ABCA2: variants seen among roughly 807,000 people sequenced by gnomAD.
ABCA2 encodes the protein ATP-binding cassette sub-family A member 2.
Under a neutral mutation model 262.8 loss-of-function variants are expected in ABCA2, and 84 were observed. The ratio of observed to expected loss-of-function variants is 0.32; its 90% CI spans 0.27 to 0.38. The LOEUF is 0.38. ABCA2 is among the 10% of genes least tolerant of loss of function. ABCA2 has a pLI of 1.00. For synonymous variants in ABCA2, 1,696 were observed against 1,502.9 expected (o/e 1.13, Z -2.97); for missense variants, 2,662 against 3,405.9 (o/e 0.78, Z 5.44).
At position 137,022,992 on chromosome 9, in the gene ABCA2, C is replaced by T. The variant is rs1318992484; in HGVS notation, c.224G>A (p.Cys75Tyr). The T allele has an allele frequency of 6.3e-7, 1 of 1,595,484 alleles. No homozygotes were observed. Among genetic ancestry groups the T allele is most frequent in the Admixed American group, 1.7e-5 (1 of 57,438 alleles). The change falls in exon 4 of 49, where the codon TGC (cysteine) becomes TAC (tyrosine). Residue 75 changes from cysteine to tyrosine, a missense_variant. Cys to Tyr is a radical substitution (Grantham distance 194). Around this residue, in one of 12 missense-constraint regions of ABCA2, gnomAD observed 101 missense variants for 152.3 expected, o/e 0.66. Transcript: ENST00000341511. ...GAACTCGTCTCGCTGGCCGTCCGGG[C>T]ACAGCGATTGCATGACAGGCAGGAT... is the stretch of plus-strand genomic sequence containing the variant. ...AGILPVMQSL[C>Y]PDGQRDEFGF...
intron 3 of ABCA2, chr9:137,023,440 T>C: frequency 1.4e-6 from 1 of 711,892 alleles, no homozygotes; most frequent in African/African-American, 1.7e-5. Context: ...CTCTGACCTC[T>C]GGCCAGCTGG....
rs770252189 is a variant in ABCA2, at chr9:137,018,328, C to T, written c.1843G>A (p.Asp615Asn). 1.9e-6 allele frequency: 3 copies of T among 1,599,388 alleles called. No homozygotes were observed. Among genetic ancestry groups the T allele is most frequent in the Non-Finnish European group, 2.5e-6 (3 of 1,176,476 alleles). ...TGCACGTGAGGCGGGAGCGAGCCGT[C>T]CTTCCGGGTCTGGAAGATCACACCT... ...FASVIFQTRKDGSLPPHVHYK... is the reference protein window; with the variant it reads ...FASVIFQTRKNGSLPPHVHYK... Residue 615 changes from aspartate to asparagine, a missense_variant, in exon 14 of 49, where the codon GAC becomes AAC. This residue lies in a region of ABCA2 where 187 missense variants were observed against 205.9 expected (regional missense o/e 0.91). Transcript: ENST00000341511.
chr9:137,019,080 G>A lies in ABCA2; in HGVS notation c.1555-10C>T, dbSNP rs1368463804. On this transcript the variant is annotated splice_polypyrimidine_tract_variant and intron_variant, in intron 11 of 48. Coordinates refer to ENST00000341511, the MANE Select transcript of ABCA2 (RefSeq NM_001606.5). The surrounding 1 kb of genome is among the most constrained non-coding windows in gnomAD (Gnocchi z 4.4). ...GCAGCTCTGCTACATACTTGGGGTGGAGGGGCGGCTCAGAGGGGGACCTGC... is the reference window on the plus strand; with the variant it reads ...GCAGCTCTGCTACATACTTGGGGTGAAGGGGCGGCTCAGAGGGGGACCTGC... The A allele has an allele frequency of 2.5e-6, 4 of 1,605,790 alleles. No individual in the cohort carries two copies. The highest frequency in any genetic ancestry group is 2.2e-5 in the East Asian group (1 of 44,688).
intron 40 of ABCA2, 23 bp downstream of exon 40, chr9:137,010,597 C>CCCCCCAAAAG: frequency 6.6e-7 from 1 of 1,506,092 alleles, no homozygotes; most frequent in Non-Finnish European, 9.2e-7. Context: ...ACCCAGGCCC[C>CCCCCCAAAAG]ACCCTACATG....
chr9:137,023,560 G>T (rs1056639880), intron 3 of ABCA2: 2 of 744,742 alleles, frequency 2.7e-6, no homozygotes, highest in East Asian at 2.5e-5. Context: ...CCCAGAAGCC[G>T]AGGCACCCCA....
At chr9:137,015,631 G>A in intron 23 of ABCA2, 35 bp from the exon 24 acceptor site, 2 of 1,611,400 alleles carry the variant, frequency 1.2e-6, no homozygotes, top group Non-Finnish European at 1.7e-6. Context: ...CAGGGGGCAG[G>A]GGAGGCGCCG....
chr9:137,012,221 C>G, intron 33 of ABCA2, 44 bp downstream of exon 33: 33 of 1,594,160 alleles, frequency 2.1e-5, no homozygotes, highest in Non-Finnish European at 2.7e-5. Context: ...CGCCCCGGCC[C>G]CAGCTCCTCC....
intron 39 of ABCA2, 53 bp downstream of exon 39, chr9:137,010,920 C>T (rs1416452882): frequency 2.8e-5 from 20 of 708,064 alleles, no homozygotes; most frequent in East Asian, 1.1e-4. Context: ...GCCCCACCCC[C>T]GAACCCATCC....
In ABCA2 at chr9:137,021,939, A is replaced by G; in HGVS notation, c.630T>C (p.Gly210=). ...ALDSQSGLHK[G]QEPWSRLGGN... Reference sequence around the variant, plus strand: ...CCCCTAGGCGGCTCCAGGGCTCCTGACCCTTGTGGAGGCCAGACTGTGAAT... The same window carrying G: ...CCCCTAGGCGGCTCCAGGGCTCCTGGCCCTTGTGGAGGCCAGACTGTGAAT... The change falls in exon 7 of 49, where the codon GGT becomes GGC. Residue 210 remains glycine, a synonymous_variant. Coordinates refer to ENST00000341511, the MANE Select transcript of ABCA2 (RefSeq NM_001606.5). The surrounding 1 kb of genome is among the most constrained non-coding windows in gnomAD (Gnocchi z 6.0). The G allele has an allele frequency of 6.2e-7, 1 of 1,605,322 alleles. No homozygotes were observed.
In ABCA2 at chr9:137,014,980, C is replaced by A; in HGVS notation, c.3815G>T (p.Ser1272Ile). The A allele has an allele frequency of 6.3e-7, 1 of 1,584,276 alleles. No individual in the cohort carries two copies. Among genetic ancestry groups the A allele is most frequent in the Non-Finnish European group, 8.6e-7 (1 of 1,165,226 alleles). ...GGGCAGGATGTAGGAGAGCTCCGTG[C>A]TTGTGTCTGAGACCAGCAGGCAGGA... ...VASCLLVSDT[S>I]TELSYILPSE... is the part of the protein sequence containing the mutation. The change falls in exon 25 of 49, where the codon AGC becomes ATC. Residue 1272 changes from serine (S) to isoleucine (I), a missense_variant. Ser to Ile is a moderately radical substitution (Grantham distance 142, BLOSUM62 -2). Around this residue, in one of 12 missense-constraint regions of ABCA2, gnomAD observed 297 missense variants for 286.5 expected, o/e 1.04. Transcript: ENST00000341511.
chr9:137,017,043 G>A lies in ABCA2; in HGVS notation c.2635C>T (p.His879Tyr). Residue 879 changes from histidine to tyrosine, a missense_variant, in exon 19 of 49, where the codon CAC (histidine) becomes TAC (tyrosine). Around this residue, in one of 12 missense-constraint regions of ABCA2, gnomAD observed 188 missense variants for 343.4 expected, o/e 0.55. Coordinates refer to ENST00000341511, the MANE Select transcript of ABCA2 (RefSeq NM_001606.5). ...TCCACCGGGGACTGGCTGAAGGTGT[G>A]CCACTGGATGCCCACGCCGGCCACC... ...YEVAGVGIQWHTFSQSPVEGD... is the reference protein window; with the variant it reads ...YEVAGVGIQWYTFSQSPVEGD... The A allele has an allele frequency of 6.2e-7, 1 of 1,612,826 alleles. No homozygotes were observed. The highest frequency in any genetic ancestry group is 8.5e-7 in the Non-Finnish European group (1 of 1,180,000).
Position 137,021,857 on chromosome 9 carries a change from A to T in ABCA2, c.678+34T>A. On this transcript the variant is annotated intron_variant, in intron 7 of 48. Coordinates refer to ENST00000341511, the MANE Select transcript of ABCA2 (RefSeq NM_001606.5). This position sits in a 1 kb window ranked among gnomAD's most constrained non-coding sequence, Gnocchi z 6.0. Reference sequence around the variant, plus strand: ...AGAAGCACCCCCAGAGGCAGGCAGCACTCCAGGCCCATCCCACACATGGAT... The same window carrying T: ...AGAAGCACCCCCAGAGGCAGGCAGCTCTCCAGGCCCATCCCACACATGGAT... 6.5e-7 allele frequency: 1 copy of T among 1,539,322 alleles called. No homozygotes were observed. The highest frequency in any genetic ancestry group is 8.8e-7 in the Non-Finnish European group (1 of 1,131,200).
At position 137,016,281 on chromosome 9, in the gene ABCA2, C is replaced by T. The variant is rs180950693; in HGVS notation, c.3104+10G>A. 6.4e-5 allele frequency: 103 copies of T among 1,612,108 alleles called. No individual in the cohort carries two copies. The East Asian group carries it at 1.3e-3, about 20-fold the overall frequency. Reference sequence around the variant, plus strand: ...GCAGATGCCCACCGCCCTGCCCCTCCGACACTCACATGGTGGTGGTCTTGC... The same window carrying T: ...GCAGATGCCCACCGCCCTGCCCCTCTGACACTCACATGGTGGTGGTCTTGC... On this transcript the variant is annotated intron_variant, in intron 21 of 48. Transcript: ENST00000341511.
At position 137,019,737 on chromosome 9, in the gene ABCA2, C is replaced by T. The variant is rs909759736; in HGVS notation, c.1426-431G>A. 11 of 201,418 alleles carry T rather than the reference C, an allele frequency of 5.5e-5. No individual in the cohort carries two copies. Among genetic ancestry groups the T allele is most frequent in the South Asian group, 1.4e-4 (2 of 13,914 alleles). 12.5% of individuals were successfully genotyped at this position (201,418 alleles called of 1,614,324 possible). A position where few individuals can be genotyped will look rare whatever the true frequency, so the allele number is the denominator to read the frequency against. On this transcript the variant is annotated intron_variant, in intron 10 of 48. Transcript: ENST00000341511. This position sits in a 1 kb window ranked among gnomAD's most constrained non-coding sequence, Gnocchi z 4.4. ...CGCCCGGGCTCTCCACTCCTTTCTG[C>T]GGCGCTCAGGTGAAACCTGCTTTGC...
In ABCA2 at chr9:137,021,071, A is replaced by G; in HGVS notation, c.898-10T>C. On this transcript the variant is annotated splice_polypyrimidine_tract_variant and intron_variant, in intron 8 of 48. Coordinates refer to ENST00000341511, the MANE Select transcript of ABCA2 (RefSeq NM_001606.5). The surrounding 1 kb of genome is among the most constrained non-coding windows in gnomAD (Gnocchi z 6.0). ...GGGCATCCAGGCCCAGCTGAGGGGAAACAGGCACGTGGGCAGTGCGGGGTG... is the reference window on the plus strand; with the variant it reads ...GGGCATCCAGGCCCAGCTGAGGGGAGACAGGCACGTGGGCAGTGCGGGGTG... The G allele has an allele frequency of 6.8e-7, 1 of 1,472,454 alleles. No individual in the cohort carries two copies. Among genetic ancestry groups the G allele is most frequent in the Admixed American group, 2.6e-5 (1 of 38,648 alleles). 91.2% of individuals were successfully genotyped at this position (1,472,454 alleles called of 1,614,324 possible).
chr9:137,017,465 C>T, intron 17 of ABCA2, 37 bp downstream of exon 17: 1 of 1,597,090 alleles, frequency 6.3e-7, no homozygotes, highest in Non-Finnish European at 8.6e-7. Context: ...TGGGCAAGTG[C>T]CTGCCCCAGG....
chr9:137,015,171 G>A (rs2131445287), intron 24 of ABCA2, 74 bp from the exon 25 acceptor site: 2 of 1,477,018 alleles, frequency 1.4e-6, no homozygotes, highest in Non-Finnish European at 1.8e-6. Flanking sequence ...GAACCCAACT[G>A]GGTCAAGATA....
Position 137,019,542 on chromosome 9 carries a change from C to A in ABCA2, c.1426-236G>T. 1 of 492,204 alleles carries A rather than the reference C, an allele frequency of 2.0e-6. No homozygotes were observed. The highest frequency in any genetic ancestry group is 3.6e-6 in the Non-Finnish European group (1 of 278,064). 30.5% of individuals were successfully genotyped at this position (492,204 alleles called of 1,614,324 possible). A position where few individuals can be genotyped will look rare whatever the true frequency, so the allele number is the denominator to read the frequency against. On this transcript the variant is annotated intron_variant, in intron 10 of 48. Coordinates refer to ENST00000341511, the MANE Select transcript of ABCA2 (RefSeq NM_001606.5). The surrounding 1 kb of genome is among the most constrained non-coding windows in gnomAD (Gnocchi z 4.4). ...GGCTCAAGGGATCCTCCCGCCTCAG[C>A]CCTCCAAGTAGCTGGGATTACAGGT...
chr9:137,026,602 C>A (rs1831660887), intron 1 of ABCA2, among the ~76,000 whole-genome samples: 1 of 152,168 alleles, frequency 6.6e-6, no homozygotes, highest in Non-Finnish European at 1.5e-5. Flanking sequence ...TCCTGGGGGG[C>A]AGCCCAAACC....
Sources: allele counts gnomAD v4.1 joint callset (sites outside exome capture counted in the v4.1 genomes callset), GRCh38; gene constraint gnomAD v4.1.1; regional missense constraint gnomAD v4.1.1; non-coding constraint Gnocchi (gnomAD v3.1); transcripts MANE v1.5; gene names NCBI Gene and HGNC (gene_info 2026-07-23, HGNC 2026-07-21).